The following SLC22A14 variants were observed in gnomAD, a reference collection of about 807,000 sequenced individuals.
SLC22A14 encodes organic cation transporter-like 4.
Under a neutral mutation model 53.9 loss-of-function variants are expected in SLC22A14, and 50 were observed. The observed-to-expected ratio is 0.93, with a 90% CI of 0.74 to 1.17. SLC22A14 has a LOEUF of 1.17. Ranked by LOEUF, SLC22A14 falls within the 50% of genes most tolerant of loss-of-function variation. The probability of loss-of-function intolerance (pLI) is 0.00; values close to 1 mark genes in which losing one functional copy is unlikely to be tolerated. For synonymous variants in SLC22A14, 312 were observed against 303.0 expected (o/e 1.03, Z -0.31); for missense variants, 671 against 734.7 (o/e 0.91, Z 1.00).
rs1704336678 is a variant in SLC22A14, at chr3:38,307,379, C to G, written c.620+22C>G. On this transcript the variant is annotated intron_variant, in intron 3 of 10. Coordinates refer to ENST00000448498, the MANE Select transcript of SLC22A14 (RefSeq NM_001320033.2). The surrounding 1 kb of genome is among the most constrained non-coding windows in gnomAD (Gnocchi z 4.4). Reference sequence around the variant, plus strand: ...ACAAGTGAGTCCCCGGGAGTTTCTGCTGGTCCCCGAGCCATCCCAACTCCT... The same window carrying G: ...ACAAGTGAGTCCCCGGGAGTTTCTGGTGGTCCCCGAGCCATCCCAACTCCT... 1 of 1,589,120 alleles carries G rather than the reference C, an allele frequency of 6.3e-7. No individual in the cohort carries two copies. The highest frequency in any genetic ancestry group is 1.7e-5 in the Admixed American group (1 of 60,002).
intron 1 of SLC22A14, among the ~76,000 whole-genome samples, chr3:38,283,524 C>T (rs1159637314): frequency 6.6e-6 from 1 of 152,172 alleles, no homozygotes; most frequent in Non-Finnish European, 1.5e-5. Flanking sequence ...GGGCCTCCTG[C>T]ATGCACACAT....
At chr3:38,299,673 T>C (rs6769990) in intron 1 of SLC22A14, among the ~76,000 whole-genome samples, 9,764 of 152,234 alleles carry the variant, frequency 0.064, 375 homozygotes, top group East Asian at 0.16. Context: ...AGTGACTCTC[T>C]TGCTTTAGCC....
intron 10 of SLC22A14, 66 bp downstream of exon 10, chr3:38,316,590 G>A (rs1487688593): frequency 2.1e-6 from 3 of 1,433,026 alleles, no homozygotes; most frequent in African/African-American, 2.8e-5. Context: ...GGCACAGAGA[G>A]CGTGCGGGAC....
intron 1 of SLC22A14, among the ~76,000 whole-genome samples, chr3:38,302,474 C>A (rs886242232): frequency 2.6e-5 from 4 of 151,642 alleles, no homozygotes; most frequent in Non-Finnish European, 4.4e-5. Flanking sequence ...CTGGGCAACA[C>A]AACAAGACCT....
chr3:38,296,460 T>G (rs1704040236), intron 1 of SLC22A14, among the ~76,000 whole-genome samples: 1 of 152,202 alleles, frequency 6.6e-6, no homozygotes, highest in African/African-American at 2.4e-5. Flanking sequence ...TTTCCTCCAA[T>G]TCTAAGGAAG....
Position 38,318,545 on chromosome 3 carries a change from CA to C in SLC22A14, c.*297del. On this transcript the variant is annotated 3_prime_UTR_variant, in exon 11 of 11. Coordinates refer to ENST00000448498, the MANE Select transcript of SLC22A14 (RefSeq NM_001320033.2). The stretch of plus-strand genomic sequence containing the variant: ...CTTCTGCAGGAGCTCTGCTGTGATT[CA>C]TTCCAATAAAGGTACAATGTTGGTC... The C allele has an allele frequency of 5.6e-6, 2 of 357,992 alleles. No homozygotes were observed. The highest frequency in any genetic ancestry group is 1.0e-5 in the Non-Finnish European group (2 of 192,750). 22.2% of individuals were successfully genotyped at this position (357,992 alleles called of 1,614,324 possible).
At chr3:38,309,365 G>A (rs969141222) in intron 5 of SLC22A14, among the ~76,000 whole-genome samples, 1 of 152,188 alleles carries the variant, frequency 6.6e-6, no homozygotes, top group Non-Finnish European at 1.5e-5. Context: ...CCAGGAGGAA[G>A]AGTGTTGAAG....
intron 1 of SLC22A14, among the ~76,000 whole-genome samples, chr3:38,286,975 G>T (rs1703808360): frequency 6.6e-6 from 1 of 151,990 alleles, no homozygotes; most frequent in South Asian, 2.1e-4. Flanking sequence ...GACCTCAGGT[G>T]ATCCACCCAC....
chr3:38,308,107 A>T, intron 4 of SLC22A14: 1 of 114,086 alleles, frequency 8.8e-6, no homozygotes, highest in Non-Finnish European at 1.8e-5. Context: ...CCCTTAAGAA[A>T]GGCCAGGCAA....
At chr3:38,313,300 G>C in intron 6 of SLC22A14, 88 bp from the exon 7 acceptor site, 3 of 1,377,916 alleles carry the variant, frequency 2.2e-6, no homozygotes, top group Non-Finnish European at 2.1e-6. Flanking sequence ...GGCACTTTCA[G>C]GGACAGGCAG....
At chr3:38,292,592 C>A (rs1237580969) in intron 1 of SLC22A14, among the ~76,000 whole-genome samples, 1 of 152,006 alleles carries the variant, frequency 6.6e-6, no homozygotes, top group Non-Finnish European at 1.5e-5. Flanking sequence ...TTTTTGGAGT[C>A]CTTGTTGGGC....
chr3:38,308,554 T>G (rs530427687), intron 4 of SLC22A14, among the ~76,000 whole-genome samples: 54 of 152,302 alleles, frequency 3.5e-4, no homozygotes, highest in Non-Finnish European at 6.5e-4. Flanking sequence ...CTCTTCTCAT[T>G]GGGAGCCTTA....
In SLC22A14 at chr3:38,318,537, C is replaced by T. The variant is rs73825530; in HGVS notation, c.*288C>T. On this transcript the variant is annotated 3_prime_UTR_variant, in exon 11 of 11. Transcript: ENST00000448498. ...GCCCCCTCCTTCTGCAGGAGCTCTG[C>T]TGTGATTCATTCCAATAAAGGTACA... 378 of 380,666 alleles carry T rather than the reference C, an allele frequency of 9.9e-4. 1 individual carries two copies. The highest frequency in any genetic ancestry group is 7.1e-3 in the African/African-American group (351 of 49,570). 23.6% of individuals were successfully genotyped at this position (380,666 alleles called of 1,614,324 possible).
rs150654676 is a variant in SLC22A14 at position 38,314,125 on chromosome 3, G to A, written c.1378+184G>A. Among the ~76,000 whole-genome samples, 139 of 151,980 alleles carry A rather than the reference G, an allele frequency of 9.1e-4. 3 individuals carry two copies. In the East Asian group the frequency reaches 0.026, roughly 29 times the overall value. On this transcript the variant is annotated intron_variant, in intron 8 of 10. Transcript: ENST00000448498. ...CCCTGGAGCACTGCTCTTCCTGGGT[G>A]GGGTCCCCCAGACAGGGCACCCACA...
Position 38,283,829 on chromosome 3 carries a change from CACAA to C in SLC22A14, c.-1+1499_-1+1502del, listed in dbSNP as rs765366693. On this transcript the variant is annotated intron_variant, in intron 1 of 10. Coordinates refer to ENST00000448498, the MANE Select transcript of SLC22A14 (RefSeq NM_001320033.2). ...TGGGTGACAGACCGAGATTCTGTCT[CACAA>C]ACAAACAACAACAACAACAATAATA... 2.3e-4 allele frequency among the ~76,000 whole-genome samples: 35 copies of C among 152,226 alleles called. No individual in the cohort carries two copies. In the South Asian group the frequency reaches 5.2e-3, roughly 23 times the overall value.
intron 1 of SLC22A14, among the ~76,000 whole-genome samples, chr3:38,298,941 A>C (rs1160292799): frequency 6.6e-6 from 1 of 152,204 alleles, no homozygotes; most frequent in African/African-American, 2.4e-5. Context: ...CTTAAATATT[A>C]TACACATAGT....
intron 1 of SLC22A14, chr3:38,305,237 T>TG: frequency 6.6e-6 from 1 of 152,368 alleles, no homozygotes. Context: ...TCTGTCGACT[T>TG]GTAGAGTGGC....
chr3:38,314,143 C>T (rs1049505446), intron 8 of SLC22A14, among the ~76,000 whole-genome samples: 2 of 152,158 alleles, frequency 1.3e-5, no homozygotes, highest in African/African-American at 2.4e-5. Context: ...CCAGACAGGG[C>T]ACCCACACTC....
chr3:38,292,528 G>T (rs1447162768), intron 1 of SLC22A14, among the ~76,000 whole-genome samples: 3 of 152,142 alleles, frequency 2.0e-5, no homozygotes, highest in Non-Finnish European at 2.9e-5. Context: ...TTGGAGTATT[G>T]CAGGGGCTAC....
Sources: allele counts gnomAD v4.1 joint callset (sites outside exome capture counted in the v4.1 genomes callset), GRCh38; gene constraint gnomAD v4.1.1; non-coding constraint Gnocchi (gnomAD v3.1); transcripts MANE v1.5; gene names NCBI Gene and HGNC (gene_info 2026-07-23, HGNC 2026-07-21).